The following CAMK4 variants were observed in gnomAD, a reference collection of about 807,000 sequenced individuals.
CAMK4 encodes the protein calcium/calmodulin-dependent protein kinase type IV.
In CAMK4, 22 loss-of-function variants were observed where a neutral mutation model predicts 44.9. That is an observed-to-expected ratio of 0.49 (90% CI 0.35 to 0.70). The LOEUF is 0.70. Among genes scored for constraint, CAMK4 ranks in the 30% least tolerant of loss-of-function variants. The pLI is 0.01. For synonymous variants in CAMK4, 218 were observed against 215.4 expected (o/e 1.01, Z -0.11); for missense variants, 498 against 586.8 (o/e 0.85, Z 1.56).
chr5:111,415,545 C>A (rs945688689), intron 5 of CAMK4, among the ~76,000 whole-genome samples: 7 of 152,080 alleles, frequency 4.6e-5, no homozygotes, highest in Non-Finnish European at 1.0e-4. Flanking sequence ...ATGTTCTAGC[C>A]ACAAAATTAT....
chr5:111,279,080 G>A (rs1750895353), intron 1 of CAMK4, among the ~76,000 whole-genome samples: 1 of 152,182 alleles, frequency 6.6e-6, no homozygotes, highest in African/African-American at 2.4e-5. Context: ...TTGCAACACA[G>A]GGCCTGCTCA....
rs538272022 is a variant in CAMK4 at position 111,325,285 on chromosome 5, A to G, written c.162-18739A>G. ...ATTGATGGGCATTTGGGTTGGTTCC[A>G]AGTCTTTGCTGTTGTAAATAGTACT... On this transcript the variant is annotated intron_variant, in intron 1 of 10. Coordinates refer to ENST00000282356, the MANE Select transcript of CAMK4 (RefSeq NM_001744.6). Among the ~76,000 whole-genome samples, 12 of 152,060 alleles carry G rather than the reference A, an allele frequency of 7.9e-5. No homozygotes were observed. In the East Asian group the frequency reaches 1.5e-3, roughly 20 times the overall value.
At chr5:111,480,308 C>G (rs967158388) in intron 9 of CAMK4, among the ~76,000 whole-genome samples, 2 of 137,580 alleles carry the variant, frequency 1.5e-5, no homozygotes, top group Admixed American at 1.4e-4. Context: ...AACTCTTATT[C>G]TCAAGCCCCA....
chr5:111,405,303 A>C (rs1752380376), intron 5 of CAMK4, among the ~76,000 whole-genome samples: 1 of 152,140 alleles, frequency 6.6e-6, no homozygotes, highest in Non-Finnish European at 1.5e-5. Flanking sequence ...CCCCATCTCT[A>C]CTAAAAATAC....
chr5:111,281,436 A>T (rs190871188), intron 1 of CAMK4, among the ~76,000 whole-genome samples: 3 of 152,306 alleles, frequency 2.0e-5, no homozygotes, highest in East Asian at 1.9e-4. Flanking sequence ...CTTGCCTCCC[A>T]TCCCCTCTCC....
At chr5:111,443,567 A>G (rs916166249) in intron 5 of CAMK4, among the ~76,000 whole-genome samples, 3 of 151,640 alleles carry the variant, frequency 2.0e-5, no homozygotes, top group African/African-American at 4.8e-5. Context: ...TATCTAGTCT[A>G]GTTCTCCTTT....
chr5:111,319,254 G>A (rs144115002), intron 1 of CAMK4, among the ~76,000 whole-genome samples: 1 of 152,266 alleles, frequency 6.6e-6, no homozygotes, highest in African/African-American at 2.4e-5. Context: ...AATTGAAAAA[G>A]TGTTAAGTTT....
chr5:111,440,590 C>T (rs1753789643), intron 5 of CAMK4, among the ~76,000 whole-genome samples: 1 of 130,302 alleles, frequency 7.7e-6, no homozygotes, highest in Admixed American at 7.6e-5. Context: ...ATTGCATCAT[C>T]TTGGGTAGAA....
At chr5:111,235,154 A>C (rs1748657846) in intron 1 of CAMK4, among the ~76,000 whole-genome samples, 1 of 152,178 alleles carries the variant, frequency 6.6e-6, no homozygotes, top group Non-Finnish European at 1.5e-5. Flanking sequence ...ATTCATGACT[A>C]CTTTAATTTA....
At chr5:111,389,195 A>C (rs1751712711) in intron 4 of CAMK4, among the ~76,000 whole-genome samples, 1 of 152,152 alleles carries the variant, frequency 6.6e-6, no homozygotes, top group South Asian at 2.1e-4. Context: ...CACATGGTGG[A>C]AGGGACAAAG....
At chr5:111,230,205 G>A (rs1358848239) in intron 1 of CAMK4, among the ~76,000 whole-genome samples, 1 of 152,152 alleles carries the variant, frequency 6.6e-6, no homozygotes, top group Non-Finnish European at 1.5e-5. Flanking sequence ...TTTCTTCAGT[G>A]TGAGTATTGG....
rs1378188572 is a variant in CAMK4 at position 111,490,088 on chromosome 5, T to G, written c.*5622T>G. 6.6e-6 allele frequency: 1 copy of G among 152,232 alleles called. No homozygotes were observed. Among genetic ancestry groups the G allele is most frequent in the African/African-American group, 2.4e-5 (1 of 41,464 alleles). 9.4% of individuals were successfully genotyped at this position (152,232 alleles called of 1,614,324 possible). On this transcript the variant is annotated 3_prime_UTR_variant, in exon 11 of 11. Coordinates refer to ENST00000282356, the MANE Select transcript of CAMK4 (RefSeq NM_001744.6). Reference sequence around the variant, plus strand: ...CATTTAATCGTTGCTTGTGATTCATTGTGTCAAAATAACATTTAATTTTCA... The same window carrying G: ...CATTTAATCGTTGCTTGTGATTCATGGTGTCAAAATAACATTTAATTTTCA...
intron 1 of CAMK4, among the ~76,000 whole-genome samples, chr5:111,331,766 C>G (rs1257153173): frequency 6.6e-6 from 1 of 151,576 alleles, no homozygotes; most frequent in Non-Finnish European, 1.5e-5. Flanking sequence ...TCGATTAATC[C>G]TACTCAAAAA....
intron 5 of CAMK4, among the ~76,000 whole-genome samples, chr5:111,424,605 C>T (rs552607025): frequency 2.0e-5 from 3 of 151,518 alleles, no homozygotes; most frequent in Non-Finnish European, 2.9e-5. Context: ...CCACCACGCC[C>T]GGCTAATTTT....
At chr5:111,370,664 C>T (rs1295943240) in intron 2 of CAMK4, among the ~76,000 whole-genome samples, 4 of 152,096 alleles carry the variant, frequency 2.6e-5, no homozygotes, top group African/African-American at 9.7e-5. Context: ...AGATGGTGAT[C>T]CCAGCACTTT....
intron 5 of CAMK4, among the ~76,000 whole-genome samples, chr5:111,411,047 T>TA (rs1488631290): frequency 1.3e-5 from 2 of 152,202 alleles, no homozygotes; most frequent in Non-Finnish European, 2.9e-5. Flanking sequence ...TTCAAAGTTT[T>TA]AATGCTTCTA....
chr5:111,365,146 T>TGA (rs2112804338), intron 2 of CAMK4: 1 of 152,498 alleles, frequency 6.6e-6, no homozygotes, highest in South Asian at 2.1e-4. Context: ...AGATGAGCAG[T>TGA]GAGCCGGTGT....
At chr5:111,265,928 A>T (rs1341314998) in intron 1 of CAMK4, 1 of 152,178 alleles carries the variant, frequency 6.6e-6, no homozygotes, top group African/African-American at 2.4e-5. Flanking sequence ...ATCAGCATAA[A>T]GTTTTGGAAA....
At chr5:111,239,274 G>A (rs887723178) in intron 1 of CAMK4, among the ~76,000 whole-genome samples, 10 of 151,986 alleles carry the variant, frequency 6.6e-5, no homozygotes, top group African/African-American at 2.4e-4. Flanking sequence ...CGATTAATTC[G>A]AGGTCTGTTT....
Sources: gnomAD v4.1 joint callset for allele counts (sites outside exome capture counted in the v4.1 genomes callset) on GRCh38, gnomAD v4.1.1 for gene constraint, MANE v1.5 for transcripts, NCBI Gene and HGNC (gene_info 2026-07-23, HGNC 2026-07-21) for gene names.